The following ALS2CL variants were observed in gnomAD, a reference collection of about 807,000 sequenced individuals.
ALS2CL encodes the protein ALS2 C-terminal-like protein.
In ALS2CL, 112 loss-of-function variants were observed where a neutral mutation model predicts 127.9. The observed-to-expected ratio is 0.88, with a 90% CI of 0.75 to 1.02. ALS2CL has a LOEUF of 1.02. Ranked by LOEUF, ALS2CL falls within the 50% of genes least tolerant of loss-of-function variation. ALS2CL has a pLI of 0.00. For synonymous variants in ALS2CL, 519 were observed against 527.6 expected (o/e 0.98, Z 0.22); for missense variants, 1,174 against 1,236.7 (o/e 0.95, Z 0.76).
At position 46,681,637 on chromosome 3, in the gene ALS2CL, C is replaced by T; in HGVS notation, c.1176-39G>A. On this transcript the variant is annotated intron_variant, in intron 11 of 25. Coordinates refer to ENST00000318962, the MANE Select transcript of ALS2CL (RefSeq NM_147129.5). This position sits in a 1 kb window ranked among gnomAD's most constrained non-coding sequence, Gnocchi z 4.9. ...TGTGGGGGTGGGGATCAGCCCTGAC[C>T]TGAGACGCCCATTACACCTACTCCA... The T allele has an allele frequency of 6.2e-7, 1 of 1,602,282 alleles. No homozygotes were observed. The highest frequency in any genetic ancestry group is 8.5e-7 in the Non-Finnish European group (1 of 1,170,266).
intron 1 of ALS2CL, among the ~76,000 whole-genome samples, chr3:46,691,444 G>A (rs1236708926): frequency 6.6e-6 from 1 of 152,060 alleles, no homozygotes; most frequent in Non-Finnish European, 1.5e-5. Context: ...ACTCTCCGGG[G>A]GGCCAGCACC....
chr3:46,678,453 C>T, intron 15 of ALS2CL, 64 bp from the exon 16 acceptor site: 1 of 1,561,990 alleles, frequency 6.4e-7, no homozygotes, highest in Non-Finnish European at 8.7e-7. Flanking sequence ...CCAATCATGA[C>T]AGGCCACAAG....
chr3:46,677,288 G>A, intron 16 of ALS2CL: 3 of 1,309,948 alleles, frequency 2.3e-6, no homozygotes, highest in East Asian at 3.4e-5. Context: ...AGACAGAAAG[G>A]TGGGCAGATC....
At chr3:46,684,113 A>C in intron 7 of ALS2CL, 66 bp from the exon 8 acceptor site, 1 of 1,526,924 alleles carries the variant, frequency 6.5e-7, no homozygotes, top group Non-Finnish European at 8.9e-7. Flanking sequence ...CCTCTGGCCA[A>C]GGCTTGCCCC....
Position 46,671,044 on chromosome 3 carries a change from C to T in ALS2CL, c.2802G>A (p.Gln934=). The change falls in exon 26 of 26, where the codon CAG becomes CAA. Residue 934 remains glutamine, a synonymous_variant. Coordinates refer to ENST00000318962, the MANE Select transcript of ALS2CL (RefSeq NM_147129.5). ...AGCGGTGCAGCCTCATGTCTTCTTTCTGGATGTGCTCGTAACAGGACTGGA... is the reference window on the plus strand; with the variant it reads ...AGCGGTGCAGCCTCATGTCTTCTTTTTGGATGTGCTCGTAACAGGACTGGA... ...TALESCYEHI[Q]KEDMRLHRLP... 1 of 1,614,224 alleles carries T rather than the reference C, an allele frequency of 6.2e-7. No individual in the cohort carries two copies. The highest frequency in any genetic ancestry group is 8.5e-7 in the Non-Finnish European group (1 of 1,180,030).
Position 46,686,339 on chromosome 3 carries a change from G to C in ALS2CL, c.635C>G (p.Ala212Gly), listed in dbSNP as rs561405958. ...CCGGCCTCTCAGGGTGTGCCAGAGA[G>C]CCTGTGTGGCCACAGCCTGGTCCAA... ...QELDQAVATQ[A>G]LWHTLRGRLR... The change falls in exon 6 of 26, where the codon GCT becomes GGT. Residue 212 changes from alanine (A) to glycine (G), a missense_variant. Physicochemically the swap from Ala to Gly is moderately conservative, Grantham distance 60. Transcript: ENST00000318962. This position sits in a 1 kb window ranked among gnomAD's most constrained non-coding sequence, Gnocchi z 4.3. 2.5e-6 allele frequency: 4 copies of C among 1,613,180 alleles called. No homozygotes were observed. The African/African-American group carries it at 5.3e-5, about 22-fold the overall frequency.
Position 46,671,709 on chromosome 3 carries a change from C to T in ALS2CL, c.2685-125G>A, listed in dbSNP as rs1366347160. On this transcript the variant is annotated intron_variant, in intron 24 of 25. Coordinates refer to ENST00000318962, the MANE Select transcript of ALS2CL (RefSeq NM_147129.5). The stretch of plus-strand genomic sequence containing the variant: ...CACCTGGGGTGTGGTCCTCACTCTA[C>T]CTCTAGCACCCCAGCACCCTGGCTG... The T allele has an allele frequency of 1.5e-5, 24 of 1,548,926 alleles. No homozygotes were observed. In the East Asian group the frequency reaches 5.7e-4, roughly 37 times the overall value.
chr3:46,671,809 G>A lies in ALS2CL; in HGVS notation c.2684+75C>T, dbSNP rs892458357. ...CTGCATCCATAAACCCTGGGGTTCA[G>A]AGGTATCAGAAGATATCGTGGTTGG... On this transcript the variant is annotated intron_variant, in intron 24 of 25. Coordinates refer to ENST00000318962, the MANE Select transcript of ALS2CL (RefSeq NM_147129.5). 29 of 1,591,702 alleles carry A rather than the reference G, an allele frequency of 1.8e-5. No homozygotes were observed. The Admixed American group carries it at 3.1e-4, about 17-fold the overall frequency.
At chr3:46,683,429 AC>A in intron 9 of ALS2CL, 103 bp from the exon 10 acceptor site, 1 of 1,164,600 alleles carries the variant, frequency 8.6e-7, no homozygotes, top group South Asian at 1.4e-5. Context: ...TCCACCCTCC[AC>A]CTCCTACTCC....
chr3:46,671,588 G>A lies in ALS2CL; in HGVS notation c.2685-4C>T, dbSNP rs1273491046. ...CTCGGCTCCCAGGTGCTGAATTCTG[G>A]AGAACACCGCCCCACCAAGAGAGCG... On this transcript the variant is annotated splice_region_variant and splice_polypyrimidine_tract_variant and intron_variant, in intron 24 of 25. Coordinates refer to ENST00000318962, the MANE Select transcript of ALS2CL (RefSeq NM_147129.5). 9 of 1,613,566 alleles carry A rather than the reference G, an allele frequency of 5.6e-6. No individual in the cohort carries two copies. Among genetic ancestry groups the A allele is most frequent in the Non-Finnish European group, 7.6e-6 (9 of 1,179,900 alleles).
intron 8 of ALS2CL, 28 bp downstream of exon 8, chr3:46,683,961 T>TGGG (rs1190842723): frequency 1.2e-6 from 2 of 1,608,894 alleles, no homozygotes; most frequent in African/African-American, 2.7e-5. Flanking sequence ...GAAGAAGGCC[T>TGGG]GGGGTGTCAG....
chr3:46,670,799 G>A lies in ALS2CL; in HGVS notation c.*185C>T, dbSNP rs1445558283. 8 of 595,328 alleles carry A rather than the reference G, an allele frequency of 1.3e-5. 1 individual carries two copies. Among genetic ancestry groups the A allele is most frequent in the Middle Eastern group, 4.5e-4 (1 of 2,210 alleles). The allele number at this position is 595,328 out of a possible 1,614,324, so 36.9% of individuals were successfully genotyped here. Reference sequence around the variant, plus strand: ...CCAAGGGAAAACCACCACATCCAGGGCCACACCCGTCACCCCTCACCCTCA... The same window carrying A: ...CCAAGGGAAAACCACCACATCCAGGACCACACCCGTCACCCCTCACCCTCA... On this transcript the variant is annotated 3_prime_UTR_variant, in exon 26 of 26. Transcript: ENST00000318962. The surrounding 1 kb of genome is among the most constrained non-coding windows in gnomAD (Gnocchi z 5.5).
At chr3:46,680,827 T>G (rs991533877) in intron 13 of ALS2CL, 2 of 529,148 alleles carry the variant, frequency 3.8e-6, no homozygotes, top group Non-Finnish European at 6.9e-6. Context: ...TAGGAGCATG[T>G]GATGGATACG....
At position 46,683,807 on chromosome 3, in the gene ALS2CL, AAGG is replaced by A; in HGVS notation, c.884_886del (p.Ser295del). The A allele has an allele frequency of 1.2e-6, 2 of 1,614,104 alleles. No individual in the cohort carries two copies. The highest frequency in any genetic ancestry group is 1.7e-6 in the Non-Finnish European group (2 of 1,180,010). ...CTGGCCCTGGGAGTCCTTGGCACAA[AAGG>A]AGAACTCTTCTTCGGGCGTGAGGAG... On this transcript the variant is annotated inframe_deletion, in exon 9 of 26. Transcript: ENST00000318962.
intron 2 of ALS2CL, among the ~76,000 whole-genome samples, chr3:46,688,901 G>C (rs749195445): frequency 4.6e-5 from 7 of 152,226 alleles, no homozygotes; most frequent in Non-Finnish European, 1.0e-4. Context: ...GCTACAGGTA[G>C]GTTCATGGCC....
chr3:46,686,200 A>C lies in ALS2CL; in HGVS notation c.666+108T>G. 7.1e-7 allele frequency: 1 copy of C among 1,410,532 alleles called. No homozygotes were observed. The highest frequency in any genetic ancestry group is 9.4e-7 in the Non-Finnish European group (1 of 1,066,062). The allele number at this position is 1,410,532 out of a possible 1,614,324, so 87.4% of individuals were successfully genotyped here. The stretch of plus-strand genomic sequence containing the variant: ...CTTCAGCCATCACTCCCCCTTCCAT[A>C]TAGGGAAACTGAGGCCCAGAGAATA... On this transcript the variant is annotated intron_variant, in intron 6 of 25. Coordinates refer to ENST00000318962, the MANE Select transcript of ALS2CL (RefSeq NM_147129.5). This position sits in a 1 kb window ranked among gnomAD's most constrained non-coding sequence, Gnocchi z 4.3.
chr3:46,687,302 G>A (rs1462194145), intron 4 of ALS2CL, among the ~76,000 whole-genome samples, 154 bp from the exon 5 acceptor site: 1 of 152,214 alleles, frequency 6.6e-6, no homozygotes, highest in Non-Finnish European at 1.5e-5. Context: ...TACCTGAGTT[G>A]CCCTCACAGG....
At position 46,675,672 on chromosome 3, in the gene ALS2CL, A is replaced by C. The variant is rs1397246814; in HGVS notation, c.2201T>G (p.Val734Gly). 20 of 1,613,490 alleles carry C rather than the reference A, an allele frequency of 1.2e-5. No individual in the cohort carries two copies. The highest frequency in any genetic ancestry group is 1.7e-5 in the Non-Finnish European group (20 of 1,179,996). The change falls in exon 20 of 26, where the codon GTT becomes GGT. Residue 734 changes from valine to glycine, a missense_variant. By Grantham distance (109) the Val-to-Gly change is moderately radical. Transcript: ENST00000318962. ...GGCCTGGCCCTTGCGCTCTAAGGCA[A>C]CTCGCAGCAGACCCCTGTGAGTCAA... is the stretch of plus-strand genomic sequence containing the variant. Reference protein sequence around the residue: ...LWAAYRGLLRVALERKGQALE... With the variant: ...LWAAYRGLLRGALERKGQALE...
chr3:46,680,885 C>G (rs763475450), intron 13 of ALS2CL: 1 of 528,526 alleles, frequency 1.9e-6, no homozygotes, highest in Non-Finnish European at 3.4e-6. Context: ...CCAGGAGACG[C>G]AGCTGGGGTG....
Sources: allele counts gnomAD v4.1 joint callset (sites outside exome capture counted in the v4.1 genomes callset), GRCh38; gene constraint gnomAD v4.1.1; non-coding constraint Gnocchi (gnomAD v3.1); transcripts MANE v1.5; gene names NCBI Gene and HGNC (gene_info 2026-07-23, HGNC 2026-07-21).